Variants in CACNA2D3 observed in about 807,000 individuals in gnomAD.
CACNA2D3 encodes the protein calcium voltage-gated channel auxiliary subunit alpha2delta 3.
A neutral mutation model predicts 160.6 loss-of-function variants in CACNA2D3; 60 were observed. The observed-to-expected ratio is 0.37, with a 90% CI of 0.30 to 0.46. The LOEUF is 0.46. Among genes scored for constraint, CACNA2D3 ranks in the 20% least tolerant of loss-of-function variants. The pLI is 1.00. For synonymous variants in CACNA2D3, 558 were observed against 492.9 expected (o/e 1.13, Z -1.75); for missense variants, 1,205 against 1,365.0 (o/e 0.88, Z 1.85).
intron 2 of CACNA2D3, among the ~76,000 whole-genome samples, chr3:54,136,162 G>T (rs1384448130): frequency 6.6e-6 from 1 of 152,182 alleles, no homozygotes; most frequent in Non-Finnish European, 1.5e-5. Flanking sequence ...TGTTCCTCCA[G>T]TGCATCTATT....
chr3:54,539,459 T>C (rs534610510), intron 5 of CACNA2D3, among the ~76,000 whole-genome samples: 1 of 152,312 alleles, frequency 6.6e-6, no homozygotes, highest in African/African-American at 2.4e-5. Context: ...AAGGGGTGTG[T>C]GTGTGTTGTA....
chr3:54,393,003 T>G (rs1261680713), intron 4 of CACNA2D3, among the ~76,000 whole-genome samples: 4 of 152,170 alleles, frequency 2.6e-5, no homozygotes, highest in Admixed American at 6.5e-5. Flanking sequence ...AAGAATAAAC[T>G]GCTGGATTTT....
intron 4 of CACNA2D3, among the ~76,000 whole-genome samples, chr3:54,486,407 G>A (rs1255409300): frequency 6.6e-6 from 1 of 152,158 alleles, no homozygotes; most frequent in Non-Finnish European, 1.5e-5. Flanking sequence ...AACTGCAAGT[G>A]TTCACTGCAG....
intron 5 of CACNA2D3, among the ~76,000 whole-genome samples, chr3:54,526,495 T>G (rs1332352562): frequency 1.3e-5 from 2 of 152,176 alleles, no homozygotes; most frequent in East Asian, 3.9e-4. Context: ...TTATTGTTAT[T>G]TGATTTTAGT....
chr3:54,737,956 A>T (rs1042574651), intron 11 of CACNA2D3, among the ~76,000 whole-genome samples: 2 of 152,118 alleles, frequency 1.3e-5, no homozygotes, highest in Non-Finnish European at 2.9e-5. Flanking sequence ...GTGAGCCACC[A>T]TGCCCAGCCA....
chr3:54,513,214 A>G (rs980659408), intron 5 of CACNA2D3, among the ~76,000 whole-genome samples: 2 of 152,172 alleles, frequency 1.3e-5, no homozygotes, highest in East Asian at 3.9e-4. Context: ...TTTGGAAGCA[A>G]TAGCTTCCAG....
At position 54,122,740 on chromosome 3, in the gene CACNA2D3, C is replaced by T. The variant is rs1699499236; in HGVS notation, c.27C>T (p.Arg9=). The T allele has an allele frequency of 8.2e-7, 1 of 1,215,398 alleles. No homozygotes were observed. Among genetic ancestry groups the T allele is most frequent in the East Asian group, 3.3e-5 (1 of 30,184 alleles). The allele number at this position is 1,215,398 out of a possible 1,614,324, so 75.3% of individuals were successfully genotyped here. ...TGGCCGGGCCGGGCTCGCCGCGCCG[C>T]GCGTCCCGGGGGGCCTCGGCGCTTC... MAGPGSPR[R]ASRGASALLA... is the part of the protein sequence containing the mutation. Residue 9 remains arginine (R), a synonymous_variant, in exon 1 of 38, where the codon CGC becomes CGT. Transcript: ENST00000474759.
intron 13 of CACNA2D3, among the ~76,000 whole-genome samples, chr3:54,789,245 T>G (rs1211487322): frequency 2.0e-5 from 3 of 152,204 alleles, no homozygotes; most frequent in Non-Finnish European, 4.4e-5. Flanking sequence ...TTGAATAACT[T>G]TCCCAAATAT....
chr3:54,299,471 C>T (rs745977638), intron 2 of CACNA2D3, among the ~76,000 whole-genome samples: 1 of 152,172 alleles, frequency 6.6e-6, no homozygotes, highest in Non-Finnish European at 1.5e-5. Context: ...GCTGATGTTC[C>T]AGTCTTTTCC....
intron 8 of CACNA2D3, among the ~76,000 whole-genome samples, chr3:54,578,299 A>G (rs1419675266): frequency 6.6e-6 from 1 of 152,242 alleles, no homozygotes; most frequent in Non-Finnish European, 1.5e-5. Context: ...GCCATTTATA[A>G]GGCTGTTGTG....
At chr3:54,691,037 C>T (rs766109418) in intron 11 of CACNA2D3, among the ~76,000 whole-genome samples, 26 of 152,026 alleles carry the variant, frequency 1.7e-4, no homozygotes, top group Non-Finnish European at 2.8e-4. Context: ...ATTGTGTGTG[C>T]GTGTGTCTGT....
chr3:54,677,209 G>A (rs1323660351), intron 11 of CACNA2D3, among the ~76,000 whole-genome samples: 1 of 152,120 alleles, frequency 6.6e-6, no homozygotes, highest in Non-Finnish European at 1.5e-5. Context: ...GGTACCATGA[G>A]TCTTATACCC....
At chr3:54,978,939 A>G (rs1405248615) in intron 29 of CACNA2D3, among the ~76,000 whole-genome samples, 3 of 152,274 alleles carry the variant, frequency 2.0e-5, no homozygotes, top group African/African-American at 7.2e-5. Context: ...GAGACAAATC[A>G]TAGTAAGACT....
chr3:54,699,471 G>C (rs1432722476), intron 11 of CACNA2D3, among the ~76,000 whole-genome samples: 1 of 152,166 alleles, frequency 6.6e-6, no homozygotes, highest in Non-Finnish European at 1.5e-5. Flanking sequence ...TTGTTCAGAA[G>C]CCAGCGTTTC....
intron 11 of CACNA2D3, among the ~76,000 whole-genome samples, chr3:54,645,720 T>C (rs1699620798): frequency 2.0e-5 from 3 of 152,198 alleles, no homozygotes; most frequent in Admixed American, 1.3e-4. Context: ...AGAGGCCATT[T>C]GTCCTTGCCT....
At chr3:55,072,436 T>G (rs557798843) in intron 35 of CACNA2D3, among the ~76,000 whole-genome samples, 5 of 152,202 alleles carry the variant, frequency 3.3e-5, no homozygotes, top group Non-Finnish European at 5.9e-5. Flanking sequence ...AGAACTTTTC[T>G]TCATTGCATG....
At chr3:54,423,226 T>C (rs987866396) in intron 4 of CACNA2D3, among the ~76,000 whole-genome samples, 1 of 152,192 alleles carries the variant, frequency 6.6e-6, no homozygotes, top group Non-Finnish European at 1.5e-5. Context: ...ATGTGCCTTA[T>C]CTGGGATGCT....
intron 2 of CACNA2D3, among the ~76,000 whole-genome samples, chr3:54,285,085 G>C (rs1209378583): frequency 6.6e-6 from 1 of 152,176 alleles, no homozygotes; most frequent in Non-Finnish European, 1.5e-5. Flanking sequence ...AGTGGGTGCA[G>C]GACAGTGGGT....
intron 35 of CACNA2D3, among the ~76,000 whole-genome samples, chr3:55,023,294 C>T (rs939467805): frequency 6.6e-6 from 1 of 152,086 alleles, no homozygotes; most frequent in African/African-American, 2.4e-5. Context: ...GATATAAATT[C>T]ATTTCTATTT....
Sources: allele counts gnomAD v4.1 joint callset (sites outside exome capture counted in the v4.1 genomes callset), GRCh38; gene constraint gnomAD v4.1.1; transcripts MANE v1.5; gene names NCBI Gene and HGNC (gene_info 2026-07-23, HGNC 2026-07-21).